Variants in CLYBL observed in about 807,000 individuals in gnomAD.
The protein encoded by CLYBL is citramalyl-CoA lyase, mitochondrial.
In CLYBL, 31 loss-of-function variants were observed where a neutral mutation model predicts 38.9. That is an observed-to-expected ratio of 0.80 (90% CI 0.60 to 1.08). The LOEUF (loss-of-function observed/expected upper bound fraction) is 1.08. Ranked by LOEUF, CLYBL falls within the 50% of genes least tolerant of loss-of-function variation. CLYBL has a pLI of 0.00. For synonymous variants in CLYBL, 171 were observed against 158.6 expected, an observed-to-expected ratio of 1.08 and a Z score of -0.59; for missense variants, 434 against 411.6, an observed-to-expected ratio of 1.05 and a Z score of -0.47.
At position 99,658,844 on chromosome 13, in the gene CLYBL, T is replaced by C. The variant is rs576161270; in HGVS notation, c.62+52087T>C. On this transcript the variant is annotated intron_variant, in intron 1 of 8. Transcript: ENST00000339105. ...CACCAGAGCCTCTTTTTTTATGCAA[T>C]CCTAGACTCCATTGCAAAGGACTTG... is the stretch of plus-strand genomic sequence containing the variant. Among the ~76,000 whole-genome samples the C allele has an allele frequency of 3.3e-5, 5 of 152,312 alleles. No individual in the cohort carries two copies. The East Asian group carries it at 9.6e-4, about 29-fold the overall frequency.
intron 2 of CLYBL, among the ~76,000 whole-genome samples, chr13:99,812,812 C>T (rs2050368574): frequency 6.6e-6 from 1 of 152,188 alleles, no homozygotes; most frequent in Non-Finnish European, 1.5e-5. Flanking sequence ...GACCAATACC[C>T]AGCCTCTGGA....
chr13:99,634,869 TC>T (rs1191269627), intron 1 of CLYBL, among the ~76,000 whole-genome samples: 1 of 152,180 alleles, frequency 6.6e-6, no homozygotes, highest in Non-Finnish European at 1.5e-5. Flanking sequence ...GAAGGAGGTA[TC>T]AGATCGCGCT....
chr13:99,807,333 C>A (rs375109576), intron 2 of CLYBL, among the ~76,000 whole-genome samples: 8 of 152,218 alleles, frequency 5.3e-5, no homozygotes, highest in East Asian at 1.9e-4. Flanking sequence ...TGATTTGACG[C>A]AGAATCCACT....
chr13:99,834,555 G>A (rs1477125162), intron 2 of CLYBL, among the ~76,000 whole-genome samples: 4 of 152,116 alleles, frequency 2.6e-5, no homozygotes, highest in East Asian at 1.9e-4. Flanking sequence ...CCACATCTCC[G>A]CAGAGCCAGG....
intron 2 of CLYBL, among the ~76,000 whole-genome samples, chr13:99,848,204 C>G (rs2051252849): frequency 6.6e-6 from 1 of 152,170 alleles, no homozygotes; most frequent in Non-Finnish European, 1.5e-5. Flanking sequence ...GAGGTGCCGT[C>G]CCCTGCTTCT....
In CLYBL at chr13:99,783,319, C is replaced by T. The variant is rs555875957; in HGVS notation, c.249+10309C>T. 3.8e-4 allele frequency among the ~76,000 whole-genome samples: 58 copies of T among 151,748 alleles called. 2 individuals are homozygous for T. In the East Asian group the frequency reaches 6.4e-3, roughly 17 times the overall value. On this transcript the variant is annotated intron_variant, in intron 2 of 8. Coordinates refer to ENST00000339105, the MANE Select transcript of CLYBL (RefSeq NM_206808.5). ...CGGCCTCCCAAAGTACTGGAATTTCCGGTGTGAGCCGCCATGCCTGGGCCA... is the reference window on the plus strand; with the variant it reads ...CGGCCTCCCAAAGTACTGGAATTTCTGGTGTGAGCCGCCATGCCTGGGCCA...
intron 2 of CLYBL, among the ~76,000 whole-genome samples, chr13:99,805,856 G>A (rs2050222431): frequency 6.6e-6 from 1 of 152,082 alleles, no homozygotes; most frequent in Admixed American, 6.6e-5. Flanking sequence ...TCCCTTTGCA[G>A]CCATAATTTT....
intron 7 of CLYBL, among the ~76,000 whole-genome samples, chr13:99,888,477 C>T (rs911072925): frequency 6.6e-5 from 10 of 152,020 alleles, no homozygotes; most frequent in African/African-American, 9.7e-5. Context: ...AGGCCATGCG[C>T]AGTGGCTCAC....
chr13:99,808,019 C>T (rs1172910711), intron 2 of CLYBL, among the ~76,000 whole-genome samples: 1 of 152,122 alleles, frequency 6.6e-6, no homozygotes, highest in Non-Finnish European at 1.5e-5. Context: ...ACCTGAAGTT[C>T]CCTGTGGTCA....
intron 1 of CLYBL, among the ~76,000 whole-genome samples, chr13:99,659,889 C>A (rs955694035): frequency 2.0e-5 from 3 of 152,104 alleles, no homozygotes; most frequent in Admixed American, 2.0e-4. Flanking sequence ...ACCTGGGTGG[C>A]GTTAGCAGTC....
intron 1 of CLYBL, among the ~76,000 whole-genome samples, chr13:99,693,998 T>C (rs1347484498): frequency 6.6e-6 from 1 of 152,142 alleles, no homozygotes; most frequent in African/African-American, 2.4e-5. Flanking sequence ...AAATTTACAA[T>C]AGGTTCCCAG....
At position 99,761,534 on chromosome 13, in the gene CLYBL, A is replaced by ACG. The variant is rs200641658; in HGVS notation, c.63-11289_63-11288insGC. On this transcript the variant is annotated intron_variant, in intron 1 of 8. Coordinates refer to ENST00000339105, the MANE Select transcript of CLYBL (RefSeq NM_206808.5). ...CATTCTTTTTTATGGCAAATTTTAC[A>ACG]CACACACATTCACGTAACAGTTTCT... Among the ~76,000 whole-genome samples, 3 of 152,276 alleles carry ACG rather than the reference A, an allele frequency of 2.0e-5. No individual in the cohort carries two copies. In the East Asian group the frequency reaches 5.8e-4, roughly 29 times the overall value.
rs111700718 is a variant in CLYBL at position 99,832,781 on chromosome 13, T to C, written c.250-26080T>C. ...GAGGAAAACATCAGTAATGGATCCA[T>C]AGGACCACCAGTGGAGGCAAATTGA... On this transcript the variant is annotated intron_variant, in intron 2 of 8. Coordinates refer to ENST00000339105, the MANE Select transcript of CLYBL (RefSeq NM_206808.5). 4.7e-5 allele frequency among the ~76,000 whole-genome samples: 7 copies of C among 149,178 alleles called. 1 individual carries two copies. The highest frequency in any genetic ancestry group is 1.7e-4 in the African/African-American group (7 of 40,424).
intron 7 of CLYBL, among the ~76,000 whole-genome samples, chr13:99,879,168 C>T (rs180946766): frequency 3.6e-4 from 55 of 152,322 alleles, no homozygotes; most frequent in African/African-American, 1.2e-3. Context: ...CCCCCGACTT[C>T]CTGGAACTCT....
chr13:99,719,571 A>G (rs1183782813), intron 1 of CLYBL, among the ~76,000 whole-genome samples: 1 of 151,634 alleles, frequency 6.6e-6, no homozygotes, highest in Non-Finnish European at 1.5e-5. Context: ...CAGTGGTGCT[A>G]TCTCAGCTCA....
chr13:99,773,352 G>T (rs2049440467), intron 2 of CLYBL, among the ~76,000 whole-genome samples: 1 of 152,204 alleles, frequency 6.6e-6, no homozygotes, highest in African/African-American at 2.4e-5. Flanking sequence ...CCATGGACCA[G>T]TACAGGCCAC....
At chr13:99,649,697 T>A (rs181274773) in intron 1 of CLYBL, among the ~76,000 whole-genome samples, 1 of 151,738 alleles carries the variant, frequency 6.6e-6, no homozygotes. Context: ...AAACCCCATC[T>A]CTACAAATGA....
intron 1 of CLYBL, among the ~76,000 whole-genome samples, chr13:99,620,543 A>G (rs2763944): frequency 0.75 from 114,529 of 152,140 alleles, 43,951 homozygotes; most frequent in East Asian, 0.87. Context: ...TTGGGAGGCC[A>G]AGATGGGCGG....
chr13:99,670,339 G>C (rs917376656), intron 1 of CLYBL, among the ~76,000 whole-genome samples: 8 of 152,190 alleles, frequency 5.3e-5, no homozygotes, highest in Admixed American at 5.2e-4. Context: ...CTGCGGTCCA[G>C]CCTGAGCAAA....
Sources: allele counts gnomAD v4.1 joint callset (sites outside exome capture counted in the v4.1 genomes callset), GRCh38; gene constraint gnomAD v4.1.1; transcripts MANE v1.5; gene names NCBI Gene and HGNC (gene_info 2026-07-23, HGNC 2026-07-21).